TP53RK: variants seen among roughly 807,000 people sequenced by gnomAD.
The protein encoded by TP53RK is TP53 regulating kinase, also known as EKC/KEOPS complex subunit TP53RK.
In TP53RK, 17 loss-of-function variants were observed where a neutral mutation model predicts 14.9. The observed-to-expected ratio is 1.14, with a 90% CI of 0.78 to 1.71. The LOEUF (loss-of-function observed/expected upper bound fraction) is 1.71, where lower values mean the gene tolerates loss of function less well. Ranked by LOEUF, TP53RK falls within the 40% of genes most tolerant of loss-of-function variation. The probability of loss-of-function intolerance (pLI) is 0.00; values close to 1 mark genes in which losing one functional copy is unlikely to be tolerated. For synonymous variants in TP53RK, 131 were observed against 138.0 expected (o/e 0.95, Z 0.36); for missense variants, 343 against 332.0 (o/e 1.03, Z -0.26).
At chr20:46,688,096 T>G (rs1309725047) in intron 1 of TP53RK, among the ~76,000 whole-genome samples, 4 of 152,198 alleles carry the variant, frequency 2.6e-5, no homozygotes, top group Non-Finnish European at 5.9e-5. Flanking sequence ...CTGAGAGATG[T>G]TATCAATGGG....
chr20:46,687,019 A>T lies in TP53RK; in HGVS notation c.496T>A (p.Ser166Thr), dbSNP rs752473080. 6.2e-7 allele frequency: 1 copy of T among 1,614,138 alleles called. No homozygotes were observed. Among genetic ancestry groups the T allele is most frequent in the Non-Finnish European group, 8.5e-7 (1 of 1,180,024 alleles). Residue 166 changes from serine (S) to threonine (T), a missense_variant, in exon 2 of 2, where the codon TCC (serine) becomes ACC (threonine). Ser to Thr is a moderately conservative substitution (Grantham distance 58, BLOSUM62 1). Transcript: ENST00000372114. ...EDLIHGDLTT[S>T]NMLLKPPLEQ... ...AGGGGGGGTTTCAGGAGCATGTTGG[A>T]GGTGGTGAGATCACCATGAATGAGG...
chr20:46,686,561 C>A lies in TP53RK; in HGVS notation c.*192G>T. 1.7e-6 allele frequency: 1 copy of A among 590,134 alleles called. No homozygotes were observed. Among genetic ancestry groups the A allele is most frequent in the Non-Finnish European group, 3.0e-6 (1 of 335,126 alleles). The allele number at this position is 590,134 out of a possible 1,614,324, so 36.6% of individuals were successfully genotyped here. ...CCTGTCCTCAATTTACTTTAAATAC[C>A]CAATTCTGCCTAGAACATGACTTAG... On this transcript the variant is annotated 3_prime_UTR_variant, in exon 2 of 2. Transcript: ENST00000372114.
intron 1 of TP53RK, among the ~76,000 whole-genome samples, chr20:46,687,622 C>T (rs1309996417): frequency 1.3e-5 from 2 of 150,246 alleles, no homozygotes; most frequent in Non-Finnish European, 2.9e-5. Context: ...GTTCGAGACC[C>T]CCATCTCTAC....
chr20:46,686,850 A>G lies in TP53RK; in HGVS notation c.665T>C (p.Leu222Pro). The change falls in exon 2 of 2, where the codon CTG (leucine) becomes CCG (proline). Residue 222 changes from leucine to proline, a missense_variant. Transcript: ENST00000372114. Reference protein sequence around the residue: ...PNTETVFEAFLKSYSTSSKKA... With the variant: ...PNTETVFEAFPKSYSTSSKKA... ...TTTGGAGGAGGTGGAGTAGCTCTTC[A>G]GAAAGGCTTCAAACACAGTTTCAGT... 6.2e-7 allele frequency: 1 copy of G among 1,614,190 alleles called. No homozygotes were observed. Among genetic ancestry groups the G allele is most frequent in the Non-Finnish European group, 8.5e-7 (1 of 1,180,034 alleles).
chr20:46,686,124 G>C lies in TP53RK; in HGVS notation c.*629C>G, dbSNP rs1458847955. 2.0e-5 allele frequency: 3 copies of C among 152,230 alleles called. No homozygotes were observed. Among genetic ancestry groups the C allele is most frequent in the Admixed American group, 1.3e-4 (2 of 15,286 alleles). 9.4% of individuals were successfully genotyped at this position (152,230 alleles called of 1,614,324 possible). A position where few individuals can be genotyped will look rare whatever the true frequency, so the allele number is the denominator to read the frequency against. Reference sequence around the variant, plus strand: ...TAACATGAATTTCAGTTGCCTGAAAGCTGTAAGTCTGCTTTTTTAAAAGAG... The same window carrying C: ...TAACATGAATTTCAGTTGCCTGAAACCTGTAAGTCTGCTTTTTTAAAAGAG... On this transcript the variant is annotated 3_prime_UTR_variant, in exon 2 of 2. Transcript: ENST00000372114.
At position 46,689,426 on chromosome 20, in the gene TP53RK, G is replaced by C; in HGVS notation, c.-12C>G. 2 of 1,536,126 alleles carry C rather than the reference G, an allele frequency of 1.3e-6. No individual in the cohort carries two copies. Among genetic ancestry groups the C allele is most frequent in the South Asian group, 1.2e-5 (1 of 81,588 alleles). On this transcript the variant is annotated 5_prime_UTR_variant, in exon 1 of 2. Transcript: ENST00000372114. Reference sequence around the variant, plus strand: ...CTGGCCGCCGCCATGACTGCTCGGCGCAACAGCTCCAACCGATCAGCTGTC... The same window carrying C: ...CTGGCCGCCGCCATGACTGCTCGGCCCAACAGCTCCAACCGATCAGCTGTC...
At position 46,684,849 on chromosome 20, in the gene TP53RK, G is replaced by A. The variant is rs774346478; in HGVS notation, c.*1904C>T. 41 of 152,148 alleles carry A rather than the reference G, an allele frequency of 2.7e-4. No homozygotes were observed. The highest frequency in any genetic ancestry group is 5.3e-4 in the Non-Finnish European group (36 of 68,042). 9.4% of individuals were successfully genotyped at this position (152,148 alleles called of 1,614,324 possible). On this transcript the variant is annotated 3_prime_UTR_variant, in exon 2 of 2. Transcript: ENST00000372114. ...GCCCTTGGAGTTCCTTGAAAATAAT[G>A]TTATACGCCAATACTTATTATAGTA... is the stretch of plus-strand genomic sequence containing the variant.
chr20:46,687,887 C>G (rs2063188208), intron 1 of TP53RK, among the ~76,000 whole-genome samples: 1 of 152,202 alleles, frequency 6.6e-6, no homozygotes, highest in Admixed American at 6.5e-5. Flanking sequence ...AGTGTGCTAG[C>G]TTCGAGGTTC....
rs1470028164 is a variant in TP53RK at position 46,686,749 on chromosome 20, T to C, written c.*4A>G. 1 of 1,609,314 alleles carries C rather than the reference T, an allele frequency of 6.2e-7. No homozygotes were observed. The highest frequency in any genetic ancestry group is 8.5e-7 in the Non-Finnish European group (1 of 1,176,272). ...CACTGTGTGTGGTTGTCATACACAT[T>C]CTTCTACCCAACCATGGACCTCTTT... On this transcript the variant is annotated 3_prime_UTR_variant, in exon 2 of 2. Transcript: ENST00000372114.
chr20:46,686,619 G>T lies in TP53RK; in HGVS notation c.*134C>A. 1.3e-6 allele frequency: 1 copy of T among 772,826 alleles called. No individual in the cohort carries two copies. Among genetic ancestry groups the T allele is most frequent in the South Asian group, 1.7e-5 (1 of 57,716 alleles). 47.9% of individuals were successfully genotyped at this position (772,826 alleles called of 1,614,324 possible). Reference sequence around the variant, plus strand: ...GTAAGCTCTTGAGTGAAGTGCAGATGATAATGACACGATCACATACCACTT... The same window carrying T: ...GTAAGCTCTTGAGTGAAGTGCAGATTATAATGACACGATCACATACCACTT... On this transcript the variant is annotated 3_prime_UTR_variant, in exon 2 of 2. Coordinates refer to ENST00000372114, the MANE Select transcript of TP53RK (RefSeq NM_033550.4).
rs1482629760 is a variant in TP53RK, at chr20:46,689,119, C to CG, written c.283+12dup. 7.3e-7 allele frequency: 1 copy of CG among 1,373,462 alleles called. No individual in the cohort carries two copies. Among genetic ancestry groups the CG allele is most frequent in the Non-Finnish European group, 9.3e-7 (1 of 1,069,524 alleles). The allele number at this position is 1,373,462 out of a possible 1,614,324, so 85.1% of individuals were successfully genotyped here. A position where few individuals can be genotyped will look rare whatever the true frequency, so the allele number is the denominator to read the frequency against. ...CTCGGGGCCGCCCACGCCGGGATCC[C>CG]GGCCCACCTTACCAGCGCGGCGACA... On this transcript the variant is annotated intron_variant, in intron 1 of 1. Coordinates refer to ENST00000372114, the MANE Select transcript of TP53RK (RefSeq NM_033550.4).
At position 46,684,497 on chromosome 20, in the gene TP53RK, G is replaced by A. The variant is rs2063171187; in HGVS notation, c.*2256C>T. On this transcript the variant is annotated 3_prime_UTR_variant, in exon 2 of 2. Transcript: ENST00000372114. ...TGGCAGCAGGAAGTGCCGAACAAGA[G>A]GGAAAAGCCCCTTATAAAACCATCA... 6.6e-6 allele frequency: 1 copy of A among 152,182 alleles called. No individual in the cohort carries two copies. The highest frequency in any genetic ancestry group is 2.4e-5 in the African/African-American group (1 of 41,426). 9.4% of individuals were successfully genotyped at this position (152,182 alleles called of 1,614,324 possible).
At chr20:46,687,268 T>C (rs2063184953) in intron 1 of TP53RK, 37 bp from the exon 2 acceptor site, 2 of 1,509,378 alleles carry the variant, frequency 1.3e-6, no homozygotes, top group East Asian at 4.5e-5. Flanking sequence ...GGGTTGGATT[T>C]TTTTTAACGG....
chr20:46,686,916 A>C lies in TP53RK; in HGVS notation c.599T>G (p.Leu200Arg), dbSNP rs1413642589. Residue 200 changes from leucine to arginine, a missense_variant, in exon 2 of 2, where the codon CTC (leucine) becomes CGC (arginine). By Grantham distance (102) the Leu-to-Arg change is moderately radical. Transcript: ENST00000372114. The stretch of plus-strand genomic sequence containing the variant: ...GAGGAAGGCCTTCTCCAGGACATAG[A>C]GGTCTACTCCCTTATCCTCTGGAAG... The part of the protein sequence containing the change: ...SALPEDKGVD[L>R]YVLEKAFLST... The C allele has an allele frequency of 1.2e-6, 2 of 1,614,174 alleles. No homozygotes were observed. The highest frequency in any genetic ancestry group is 1.7e-6 in the Non-Finnish European group (2 of 1,180,022).
chr20:46,686,713 A>G lies in TP53RK; in HGVS notation c.*40T>C, dbSNP rs2063182027. On this transcript the variant is annotated 3_prime_UTR_variant, in exon 2 of 2. Transcript: ENST00000372114. ...TAGCATTTCTTCAAATTTACTTTGA[A>G]AAAAGAGCTTCACTGTGTGTGGTTG... 6.6e-7 allele frequency: 1 copy of G among 1,516,240 alleles called. No homozygotes were observed. Among genetic ancestry groups the G allele is most frequent in the Non-Finnish European group, 9.0e-7 (1 of 1,106,224 alleles). The allele number at this position is 1,516,240 out of a possible 1,614,324, so 93.9% of individuals were successfully genotyped here.
rs2063177288 is a variant in TP53RK, at chr20:46,685,643, A to G, written c.*1110T>C. The G allele has an allele frequency of 6.6e-6, 1 of 152,208 alleles. No homozygotes were observed. The highest frequency in any genetic ancestry group is 2.4e-5 in the African/African-American group (1 of 41,456). The allele number at this position is 152,208 out of a possible 1,614,324, so 9.4% of individuals were successfully genotyped here. ...TTTATAAAAATAAATATTCTTACAAAAGGACAGGCGCTGTGTCTGTCTGGC... is the reference window on the plus strand; with the variant it reads ...TTTATAAAAATAAATATTCTTACAAGAGGACAGGCGCTGTGTCTGTCTGGC... On this transcript the variant is annotated 3_prime_UTR_variant, in exon 2 of 2. Transcript: ENST00000372114.
rs1351453096 is a variant in TP53RK, at chr20:46,689,214, G to C, written c.201C>G (p.Tyr67Ter). 5.9e-6 allele frequency: 9 copies of C among 1,526,850 alleles called. No homozygotes were observed. The highest frequency in any genetic ancestry group is 7.9e-6 in the Non-Finnish European group (9 of 1,143,922). The allele number at this position is 1,526,850 out of a possible 1,614,324, so 94.6% of individuals were successfully genotyped here. ...GCCGCGCCTCCAGCGCCGGGTGCCG[G>C]TAGCCCTTGGGGAAGCGGTGCTTGA... is the stretch of plus-strand genomic sequence containing the variant. ...AVIKHRFPKG[Y>*]RHPALEARLG... is the part of the protein sequence containing the mutation. The change falls in exon 1 of 2, where the codon TAC (tyrosine) becomes TAG (stop). Residue 67 changes from tyrosine (Y) to a stop codon, truncating the protein, a stop_gained. Transcript: ENST00000372114. LOFTEE classifies it high-confidence loss of function.
rs771666008 is a variant in TP53RK at position 46,687,083 on chromosome 20, C to T, written c.432G>A (p.Lys144=). Reference sequence around the variant, plus strand: ...TTCGAGCCAAAACCTGCCCAATTGTCTTGGCTAAGTTGGAGAGACCCTGGG... The same window carrying T: ...TTCGAGCCAAAACCTGCCCAATTGTTTTGGCTAAGTTGGAGAGACCCTGGG... ...KTPQGLSNLA[K]TIGQVLARMH... Residue 144 remains lysine (K), a synonymous_variant, in exon 2 of 2, where the codon AAG becomes AAA. Coordinates refer to ENST00000372114, the MANE Select transcript of TP53RK (RefSeq NM_033550.4). 1 of 1,614,164 alleles carries T rather than the reference C, an allele frequency of 6.2e-7. No homozygotes were observed. Among genetic ancestry groups the T allele is most frequent in the Non-Finnish European group, 8.5e-7 (1 of 1,180,040 alleles).
Position 46,688,187 on chromosome 20 carries a change from T to C in TP53RK, c.283+945A>G, listed in dbSNP as rs543200894. 3.4e-4 allele frequency among the ~76,000 whole-genome samples: 52 copies of C among 152,306 alleles called. No individual in the cohort carries two copies. In the South Asian group the frequency reaches 0.01, roughly 30 times the overall value. On this transcript the variant is annotated intron_variant, in intron 1 of 1. Transcript: ENST00000372114. ...ATGAGGCTGAAAACAGAAATATGAA[T>C]ACACAAATAACTTCATGAAATCTTA...
Sources: allele counts gnomAD v4.1 joint callset (sites outside exome capture counted in the v4.1 genomes callset), GRCh38; gene constraint gnomAD v4.1.1; transcripts MANE v1.5; gene names NCBI Gene and HGNC (gene_info 2026-07-23, HGNC 2026-07-21).